The following TRIP12 variants were observed in gnomAD, a reference collection of about 807,000 sequenced individuals.
The protein encoded by TRIP12 is E3 ubiquitin-protein ligase TRIP12.
A neutral mutation model predicts 244.2 loss-of-function variants in TRIP12; 25 were observed. The ratio of observed to expected loss-of-function variants is 0.10; its 90% CI spans 0.07 to 0.14. The LOEUF (loss-of-function observed/expected upper bound fraction) is 0.14. Among genes scored for constraint, TRIP12 ranks in the 10% least tolerant of loss-of-function variants. The pLI, the probability that TRIP12 is intolerant of heterozygous loss-of-function variation, is 1.00. For synonymous variants in TRIP12, 905 were observed against 873.1 expected (o/e 1.04, Z -0.64); for missense variants, 1,677 against 2,486.4 (o/e 0.67, Z 6.92).
At chr2:229,819,870 AG>A (rs1164923548) in intron 8 of TRIP12, among the ~76,000 whole-genome samples, 1 of 152,232 alleles carries the variant, frequency 6.6e-6, no homozygotes, top group Non-Finnish European at 1.5e-5. Context: ...CACCTCTCAC[AG>A]GGGCACATAG....
chr2:229,847,589 C>A (rs954475419), intron 4 of TRIP12, among the ~76,000 whole-genome samples: 2 of 152,084 alleles, frequency 1.3e-5, no homozygotes, highest in African/African-American at 4.8e-5. Context: ...CCAGAAATGC[C>A]GGGGCTAAAT....
At chr2:229,904,205 GTCAGAAGT>G (rs1308712982) in intron 1 of TRIP12, among the ~76,000 whole-genome samples, 10 of 152,052 alleles carry the variant, frequency 6.6e-5, no homozygotes, top group Non-Finnish European at 1.5e-4. Context: ...ATCACCTGAG[GTCAGAAGT>G]TTGAAACCAA....
chr2:229,821,432 G>A (rs528188323), intron 8 of TRIP12, among the ~76,000 whole-genome samples: 1 of 152,256 alleles, frequency 6.6e-6, no homozygotes, highest in Admixed American at 6.5e-5. Context: ...CTCTTTCAAG[G>A]GAGAGATAGC....
At chr2:229,795,926 G>C (rs754039065) in intron 25 of TRIP12, among the ~76,000 whole-genome samples, 1 of 152,212 alleles carries the variant, frequency 6.6e-6, no homozygotes, top group Admixed American at 6.5e-5. Flanking sequence ...GACTGCAAGC[G>C]CATGGTGAAA....
At chr2:229,922,279 T>A (rs1490286641), upstream of TRIP12, 1 of 548,290 alleles carries the variant, frequency 1.8e-6, no homozygotes, top group Admixed American at 3.2e-5. Flanking sequence ...GGTCACCCCC[T>A]CCCCTCCGTG....
chr2:229,893,614 T>C (rs2067961698), intron 1 of TRIP12, among the ~76,000 whole-genome samples: 1 of 152,218 alleles, frequency 6.6e-6, no homozygotes, highest in African/African-American at 2.4e-5. Context: ...GATTCATCTA[T>C]GTTGCTGAGT....
At chr2:229,878,618 G>T (rs1418180317) in intron 2 of TRIP12, among the ~76,000 whole-genome samples, 1 of 149,496 alleles carries the variant, frequency 6.7e-6, no homozygotes, top group African/African-American at 2.5e-5. Context: ...CGCTCTGTCT[G>T]TCGCCCAGGC....
At chr2:229,849,201 AAAC>A (rs766060621) in intron 4 of TRIP12, among the ~76,000 whole-genome samples, 1 of 152,236 alleles carries the variant, frequency 6.6e-6, no homozygotes, top group African/African-American at 2.4e-5. Context: ...AAAGTAAGGA[AAAC>A]AACAACAAAA....
intron 20 of TRIP12, among the ~76,000 whole-genome samples, chr2:229,802,981 C>T (rs1195681490): frequency 6.6e-6 from 1 of 152,056 alleles, no homozygotes; most frequent in Non-Finnish European, 1.5e-5. Flanking sequence ...GGCAGGGGTT[C>T]CTATCTGTCC....
intron 1 of TRIP12, among the ~76,000 whole-genome samples, chr2:229,883,177 A>G (rs909884017): frequency 1.3e-5 from 2 of 152,210 alleles, no homozygotes; most frequent in African/African-American, 2.4e-5. Flanking sequence ...GAAAGTTCCA[A>G]GTAATTTGTT....
At chr2:229,910,137 C>T (rs551169655) in intron 1 of TRIP12, among the ~76,000 whole-genome samples, 1 of 152,284 alleles carries the variant, frequency 6.6e-6, no homozygotes, top group East Asian at 1.9e-4. Flanking sequence ...CTTGATTTTA[C>T]ACTCCTTAAA....
At chr2:229,810,230 A>G (rs2046930886) in intron 15 of TRIP12, among the ~76,000 whole-genome samples, 1 of 152,222 alleles carries the variant, frequency 6.6e-6, no homozygotes, top group African/African-American at 2.4e-5. Flanking sequence ...ATTATAACGT[A>G]TAGATGTTGT....
intron 1 of TRIP12, among the ~76,000 whole-genome samples, chr2:229,912,932 T>C (rs1255124694): frequency 6.6e-6 from 1 of 152,164 alleles, no homozygotes; most frequent in Non-Finnish European, 1.5e-5. Context: ...TGCAGTGGCA[T>C]GACGCACTGC....
chr2:229,783,883 G>C (rs1472984398), intron 34 of TRIP12, among the ~76,000 whole-genome samples: 1 of 151,716 alleles, frequency 6.6e-6, no homozygotes, highest in Non-Finnish European at 1.5e-5. Flanking sequence ...GGCTGAGGTG[G>C]GTGGATCACC....
rs746268124 is a variant in TRIP12, at chr2:229,788,927, T to C, written c.4709A>G (p.Lys1570Arg). The C allele has an allele frequency of 1.2e-6, 2 of 1,610,394 alleles. No homozygotes were observed. The highest frequency in any genetic ancestry group is 2.2e-5 in the East Asian group (1 of 44,860). ...AAATTCACTAGTTGGAATAATTTCCTTGCACATTGCATTCTGTAAAATGTT... is the reference window on the plus strand; with the variant it reads ...AAATTCACTAGTTGGAATAATTTCCCTGCACATTGCATTCTGTAAAATGTT... ...WYYLYDNAMC[K>R]EIIPTSEFIN... The change falls in exon 32 of 42, where the codon AAG (lysine) becomes AGG (arginine). Residue 1570 changes from lysine (K) to arginine (R), a missense_variant. Lys to Arg is a conservative substitution (Grantham distance 26). Around this residue, in one of 11 missense-constraint regions of TRIP12, gnomAD observed 265 missense variants for 370.8 expected, o/e 0.71. Coordinates refer to ENST00000675903, the MANE Select transcript of TRIP12 (RefSeq NM_001348323.3).
At chr2:229,906,713 C>T (rs1345429051) in intron 1 of TRIP12, among the ~76,000 whole-genome samples, 3 of 148,826 alleles carry the variant, frequency 2.0e-5, no homozygotes, top group Admixed American at 2.0e-4. Context: ...CGGTAAGACT[C>T]CACCTCAAAA....
intron 38 of TRIP12, 62 bp downstream of exon 38, chr2:229,774,035 A>G (rs1175156064): frequency 6.5e-7 from 1 of 1,547,110 alleles, no homozygotes; most frequent in Admixed American, 1.8e-5. Context: ...GAAGCAAGGT[A>G]CAATCAGGCA....
intron 7 of TRIP12, 80 bp downstream of exon 7, chr2:229,830,676 C>T: frequency 2.2e-6 from 3 of 1,382,452 alleles, no homozygotes; most frequent in South Asian, 1.3e-5. Context: ...ATGAATTTAA[C>T]TAAATTAATT....
intron 1 of TRIP12, among the ~76,000 whole-genome samples, chr2:229,900,015 T>A (rs548441097): frequency 2.0e-5 from 3 of 152,248 alleles, no homozygotes; most frequent in Non-Finnish European, 1.5e-5. Context: ...ATGGAAGTTC[T>A]GTTGTTTGGT....
Sources: allele counts gnomAD v4.1 joint callset (sites outside exome capture counted in the v4.1 genomes callset), GRCh38; gene constraint gnomAD v4.1.1; regional missense constraint gnomAD v4.1.1; transcripts MANE v1.5; gene names NCBI Gene and HGNC (gene_info 2026-07-23, HGNC 2026-07-21).